Variants in DNM3 observed in about 807,000 individuals in gnomAD.
The protein encoded by DNM3 is dynamin 3, also known as dynamin-3.
In DNM3, 47 loss-of-function variants were observed where a neutral mutation model predicts 101.6. The ratio of observed to expected loss-of-function variants is 0.46; its 90% confidence interval spans 0.37 to 0.59. The LOEUF is 0.59. Among genes scored for constraint, DNM3 ranks in the 20% least tolerant of loss-of-function variants. The probability of loss-of-function intolerance (pLI) is 0.00; values close to 1 mark genes in which losing one functional copy is unlikely to be tolerated. For synonymous variants in DNM3, 385 were observed against 387.9 expected, an observed-to-expected ratio of 0.99 and a Z score of 0.09; for missense variants, 849 against 1,085.7, an observed-to-expected ratio of 0.78 and a Z score of 3.06.
At chr1:172,145,618 G>A (rs976508595) in intron 14 of DNM3, among the ~76,000 whole-genome samples, 2 of 152,078 alleles carry the variant, frequency 1.3e-5, no homozygotes, top group South Asian at 2.1e-4. Flanking sequence ...TATTTTGGCT[G>A]GGTCTCTGAA....
At chr1:172,125,998 G>A (rs1049607434) in intron 13 of DNM3, among the ~76,000 whole-genome samples, 2 of 151,214 alleles carry the variant, frequency 1.3e-5, no homozygotes, top group Non-Finnish European at 2.9e-5. Flanking sequence ...CCCCTTATTG[G>A]TCTTACTCCT....
intron 2 of DNM3, among the ~76,000 whole-genome samples, chr1:171,941,141 T>C (rs1023962756): frequency 2.6e-5 from 4 of 152,192 alleles, no homozygotes; most frequent in African/African-American, 9.6e-5. Flanking sequence ...AAGCTGCATT[T>C]TTTTAGGTTT....
chr1:172,294,093 G>A (rs1050074250), intron 15 of DNM3, among the ~76,000 whole-genome samples: 32 of 152,162 alleles, frequency 2.1e-4, no homozygotes, highest in African/African-American at 7.5e-4. Flanking sequence ...ATGGTAGAAA[G>A]GTAATTAGAT....
At chr1:172,169,304 A>C (rs533559366) in intron 14 of DNM3, among the ~76,000 whole-genome samples, 1 of 152,056 alleles carries the variant, frequency 6.6e-6, no homozygotes, top group South Asian at 2.1e-4. Flanking sequence ...TTTATTTGCC[A>C]CTTGGGCTCC....
At chr1:172,054,543 T>A (rs1368510819) in intron 10 of DNM3, among the ~76,000 whole-genome samples, 2 of 152,164 alleles carry the variant, frequency 1.3e-5, no homozygotes. Flanking sequence ...ACTGTGCCAT[T>A]TACTGGCCTC....
At chr1:172,207,185 C>T (rs1173999013) in intron 14 of DNM3, among the ~76,000 whole-genome samples, 1 of 152,078 alleles carries the variant, frequency 6.6e-6, no homozygotes, top group African/African-American at 2.4e-5. Context: ...ACCAACATGT[C>T]CTTAGTGCTA....
intron 17 of DNM3, among the ~76,000 whole-genome samples, chr1:172,359,244 A>C (rs1009352827): frequency 6.6e-6 from 1 of 151,898 alleles, no homozygotes; most frequent in Non-Finnish European, 1.5e-5. Context: ...GGCCGCATAG[A>C]CCAGCCAGCC....
chr1:172,305,158 A>G (rs918351440), intron 15 of DNM3, among the ~76,000 whole-genome samples: 2 of 152,218 alleles, frequency 1.3e-5, no homozygotes, highest in African/African-American at 4.8e-5. Context: ...AGAAGAAAAG[A>G]GAGAAGAATC....
rs114359149 is a variant in DNM3, at chr1:172,266,364, C to A, written c.1769+12682C>A. On this transcript the variant is annotated intron_variant, in intron 15 of 20. Coordinates refer to ENST00000627582, the MANE Select transcript of DNM3 (RefSeq NM_015569.5). Reference sequence around the variant, plus strand: ...TGTCGGATCTACATTAAAAAAGGAACAATTACTCTTCCATAAATAGGGATG... The same window carrying A: ...TGTCGGATCTACATTAAAAAAGGAAAAATTACTCTTCCATAAATAGGGATG... 5.7e-3 allele frequency among the ~76,000 whole-genome samples: 867 copies of A among 152,064 alleles called. 2 individuals are homozygous for A. Among genetic ancestry groups the A allele is most frequent in the Non-Finnish European group, 8.7e-3 (589 of 67,986 alleles).
At chr1:172,293,328 G>A (rs377009991) in intron 15 of DNM3, among the ~76,000 whole-genome samples, 8 of 152,176 alleles carry the variant, frequency 5.3e-5, no homozygotes, top group African/African-American at 1.9e-4. Context: ...TCAAAACATG[G>A]TCTCATCATG....
intron 10 of DNM3, among the ~76,000 whole-genome samples, chr1:172,063,342 T>A (rs1383896065): frequency 6.6e-6 from 1 of 151,448 alleles, no homozygotes; most frequent in Non-Finnish European, 1.5e-5. Context: ...ATAATTTTTG[T>A]TTTGTTGGAT....
chr1:172,351,043 A>G (rs925113193), intron 17 of DNM3, among the ~76,000 whole-genome samples: 2 of 152,192 alleles, frequency 1.3e-5, no homozygotes, highest in African/African-American at 4.8e-5. Context: ...TAGAACACTT[A>G]TAAACATTCA....
At chr1:172,416,079 A>G (rs903308203), downstream of DNM3, among the ~76,000 whole-genome samples, 4 of 152,164 alleles carry the variant, frequency 2.6e-5, no homozygotes, top group Non-Finnish European at 4.4e-5. Flanking sequence ...ATTTTTCAGA[A>G]TGCTTAAGAA....
At chr1:172,158,995 G>A (rs947859339) in intron 14 of DNM3, among the ~76,000 whole-genome samples, 5 of 151,914 alleles carry the variant, frequency 3.3e-5, no homozygotes, top group African/African-American at 7.2e-5. Context: ...AAACCTAAGC[G>A]TTGTTTTGCT....
rs142736330 is a variant in DNM3, at chr1:172,379,319, C to T, written c.2058+137C>T. On this transcript the variant is annotated intron_variant, in intron 18 of 20. Transcript: ENST00000627582. ...CCCAGGTTCATCATTTTCCATTAGA[C>T]GTGATATGTGACTGACCAGTGAAAG... is the stretch of plus-strand genomic sequence containing the variant. The T allele has an allele frequency of 5.4e-4, 449 of 825,194 alleles. 3 individuals are homozygous for T. In the East Asian group the frequency reaches 9.1e-3, roughly 17 times the overall value. 51.1% of individuals were successfully genotyped at this position (825,194 alleles called of 1,614,324 possible).
intron 14 of DNM3, among the ~76,000 whole-genome samples, chr1:172,180,338 A>G (rs1395128851): frequency 6.6e-6 from 1 of 152,078 alleles, no homozygotes; most frequent in Non-Finnish European, 1.5e-5. Flanking sequence ...TTTACCCTGT[A>G]TCGTAGATAG....
intron 11 of DNM3, among the ~76,000 whole-genome samples, chr1:172,078,239 C>T (rs146759901): frequency 6.6e-6 from 1 of 151,934 alleles, no homozygotes; most frequent in African/African-American, 2.4e-5. Context: ...ATTACAGGCA[C>T]CTGCCACCAC....
chr1:172,372,326 T>C (rs75187563), intron 17 of DNM3, among the ~76,000 whole-genome samples: 3,673 of 152,042 alleles, frequency 0.024, 153 homozygotes, highest in African/African-American at 0.083. Context: ...TGGTAGAATA[T>C]GGTATTCACA....
chr1:172,162,995 G>T (rs1401542370), intron 14 of DNM3, among the ~76,000 whole-genome samples: 2 of 151,992 alleles, frequency 1.3e-5, no homozygotes, highest in Non-Finnish European at 2.9e-5. Context: ...ATGAAAGCAG[G>T]CATCCTTGAG....
Sources: gnomAD v4.1 joint callset for allele counts (sites outside exome capture counted in the v4.1 genomes callset) on GRCh38, gnomAD v4.1.1 for gene constraint, MANE v1.5 for transcripts, NCBI Gene and HGNC (gene_info 2026-07-23, HGNC 2026-07-21) for gene names.